The following GPRC5A variants were observed in gnomAD, a reference collection of about 807,000 sequenced individuals.
The protein encoded by GPRC5A is retinoic acid-induced protein 3.
Under a neutral mutation model 22.5 loss-of-function variants are expected in GPRC5A, and 19 were observed. That is an observed-to-expected ratio of 0.85 (90% CI 0.59 to 1.24). The LOEUF is 1.24. Ranked by LOEUF, GPRC5A falls within the 50% of genes most tolerant of loss-of-function variation. The pLI is 0.00. For missense variants in GPRC5A, 471 were observed against 451.1 expected, an observed-to-expected ratio of 1.04 and a Z score of -0.40; for synonymous variants, 192 against 184.5, an observed-to-expected ratio of 1.04 and a Z score of -0.33.
chr12:12,901,054 G>T (rs1863882168), intron 1 of GPRC5A, among the ~76,000 whole-genome samples: 1 of 152,218 alleles, frequency 6.6e-6, no homozygotes, highest in African/African-American at 2.4e-5. Flanking sequence ...GGGCATCCTT[G>T]TGTTACTGGA....
In GPRC5A at chr12:12,908,474, G is replaced by T; in HGVS notation, c.225G>T (p.Val75=). The T allele has an allele frequency of 1.2e-6, 2 of 1,614,138 alleles. No homozygotes were observed. The highest frequency in any genetic ancestry group is 1.3e-5 in the African/African-American group (1 of 75,070). ...CTCAGTTTCTCTTCCTCCTGGGTGTGTTGGGCATCTTTGGCCTCACCTTCG... is the reference window on the plus strand; with the variant it reads ...CTCAGTTTCTCTTCCTCCTGGGTGTTTTGGGCATCTTTGGCCTCACCTTCG... ...LPTQFLFLLG[V]LGIFGLTFAF... is the part of the protein sequence containing the mutation. Residue 75 remains valine (V), a synonymous_variant, in exon 2 of 4, where the codon GTG becomes GTT. Transcript: ENST00000014914.
At chr12:12,908,163 C>A (rs1863961910) in intron 1 of GPRC5A, 80 bp from the exon 2 acceptor site, 1 of 1,008,012 alleles carries the variant, frequency 9.9e-7, no homozygotes, top group Non-Finnish European at 1.5e-6. Flanking sequence ...GTTTCCTAAT[C>A]CTTTTTTAGT....
In GPRC5A at chr12:12,914,507, C is replaced by G. The variant is rs1025861100; in HGVS notation, c.*1968C>G. ...GCTAGGGACTCAAGAAATGCATATT[C>G]CCCCCCCACTTTCTTTCTCTCTTTC... On this transcript the variant is annotated 3_prime_UTR_variant, in exon 4 of 4. Coordinates refer to ENST00000014914, the MANE Select transcript of GPRC5A (RefSeq NM_003979.4). 3 of 146,042 alleles carry G rather than the reference C, an allele frequency of 2.1e-5. No homozygotes were observed. The highest frequency in any genetic ancestry group is 6.8e-5 in the Admixed American group (1 of 14,632). The allele number at this position is 146,042 out of a possible 1,614,324, so 9.0% of individuals were successfully genotyped here.
At chr12:12,898,094 G>A (rs941504660) in intron 1 of GPRC5A, among the ~76,000 whole-genome samples, 7 of 152,146 alleles carry the variant, frequency 4.6e-5, no homozygotes, top group Non-Finnish European at 7.3e-5. Flanking sequence ...ATATGCCCAC[G>A]GTGCAGAGAC....
Position 12,914,613 on chromosome 12 carries a change from TC to T in GPRC5A, c.*2075del, listed in dbSNP as rs1864043509. The T allele has an allele frequency of 6.7e-6, 1 of 148,490 alleles. No individual in the cohort carries two copies. 9.2% of individuals were successfully genotyped at this position (148,490 alleles called of 1,614,324 possible). A position where few individuals can be genotyped will look rare whatever the true frequency, so the allele number is the denominator to read the frequency against. ...CTTTCTTTCTCTCTCTCTCTCTCTC[TC>T]TCTTTCTTTCTTTCTTTTTGAGATA... On this transcript the variant is annotated 3_prime_UTR_variant, in exon 4 of 4. Coordinates refer to ENST00000014914, the MANE Select transcript of GPRC5A (RefSeq NM_003979.4).
chr12:12,898,308 A>C (rs1863844581), intron 1 of GPRC5A, among the ~76,000 whole-genome samples: 1 of 152,188 alleles, frequency 6.6e-6, no homozygotes. Context: ...CGAGGCGGGC[A>C]GATCACCTGA....
At position 12,916,758 on chromosome 12, in the gene GPRC5A, G is replaced by C. The variant is rs554440301; in HGVS notation, c.*4219G>C. 3.9e-5 allele frequency: 6 copies of C among 152,324 alleles called. No homozygotes were observed. The highest frequency in any genetic ancestry group is 3.9e-4 in the Admixed American group (6 of 15,294). The allele number at this position is 152,324 out of a possible 1,614,324, so 9.4% of individuals were successfully genotyped here. ...TAACGTGGACTAGTATTTATGTGTT[G>C]AGAACACTGGCTGTTTGTCAGGAAA... On this transcript the variant is annotated 3_prime_UTR_variant, in exon 4 of 4. Transcript: ENST00000014914.
intron 2 of GPRC5A, among the ~76,000 whole-genome samples, chr12:12,911,751 G>A (rs952962908): frequency 1.3e-5 from 2 of 152,148 alleles, no homozygotes; most frequent in African/African-American, 4.8e-5. Context: ...GCCGCCCAAA[G>A]TTCTGGGATT....
intron 1 of GPRC5A, among the ~76,000 whole-genome samples, chr12:12,902,534 G>C (rs1401296235): frequency 1.3e-5 from 2 of 151,920 alleles, no homozygotes; most frequent in Non-Finnish European, 2.9e-5. Context: ...AGGCCGAGAG[G>C]GGGAGGATCC....
At chr12:12,902,462 CT>C (rs970402909) in intron 1 of GPRC5A, among the ~76,000 whole-genome samples, 1 of 151,684 alleles carries the variant, frequency 6.6e-6, no homozygotes, top group African/African-American at 2.4e-5. Flanking sequence ...GAGTTTTTAT[CT>C]TTTAGAGAGA....
At chr12:12,899,198 C>A (rs1016535646) in intron 1 of GPRC5A, among the ~76,000 whole-genome samples, 5 of 152,044 alleles carry the variant, frequency 3.3e-5, no homozygotes, top group African/African-American at 9.7e-5. Context: ...TAGCACCCGG[C>A]TAATTTTTAA....
In GPRC5A at chr12:12,913,567, C is replaced by T. The variant is rs1592353418; in HGVS notation, c.*1028C>T. 2 of 152,266 alleles carry T rather than the reference C, an allele frequency of 1.3e-5. No individual in the cohort carries two copies. The highest frequency in any genetic ancestry group is 3.9e-4 in the East Asian group (2 of 5,182). The allele number at this position is 152,266 out of a possible 1,614,324, so 9.4% of individuals were successfully genotyped here. A position where few individuals can be genotyped will look rare whatever the true frequency, so the allele number is the denominator to read the frequency against. Reference sequence around the variant, plus strand: ...GCATTCTGTAAGTGGGCATGGTCTCCTAATGGAGGAGTGTTCATTGTATAA... The same window carrying T: ...GCATTCTGTAAGTGGGCATGGTCTCTTAATGGAGGAGTGTTCATTGTATAA... On this transcript the variant is annotated 3_prime_UTR_variant, in exon 4 of 4. Coordinates refer to ENST00000014914, the MANE Select transcript of GPRC5A (RefSeq NM_003979.4).
Position 12,909,082 on chromosome 12 carries a change from CTGT to C in GPRC5A, c.836_838del (p.Val279del). On this transcript the variant is annotated inframe_deletion, in exon 2 of 4. Transcript: ENST00000014914. ...AAGCAACGAAACCCCATGGATTATC[CTGT>C]TGAGGATGCTTTCTGTAAACCTCAA... is the stretch of plus-strand genomic sequence containing the variant. The C allele has an allele frequency of 6.2e-7, 1 of 1,605,460 alleles. No individual in the cohort carries two copies. The highest frequency in any genetic ancestry group is 2.2e-5 in the East Asian group (1 of 44,874).
chr12:12,904,724 G>T (rs1400126480), intron 1 of GPRC5A, among the ~76,000 whole-genome samples: 1 of 151,856 alleles, frequency 6.6e-6, no homozygotes, highest in African/African-American at 2.4e-5. Context: ...ACATAATATC[G>T]TGATAATATA....
intron 1 of GPRC5A, among the ~76,000 whole-genome samples, chr12:12,896,258 C>T (rs1436236640): frequency 1.3e-5 from 2 of 152,024 alleles, no homozygotes; most frequent in East Asian, 1.9e-4. Flanking sequence ...GGATGAACAC[C>T]GTGGTTATAC....
At position 12,908,717 on chromosome 12, in the gene GPRC5A, C is replaced by G; in HGVS notation, c.468C>G (p.Thr156=). 6.2e-7 allele frequency: 1 copy of G among 1,614,086 alleles called. No homozygotes were observed. Among genetic ancestry groups the G allele is most frequent in the East Asian group, 2.2e-5 (1 of 44,878 alleles). Residue 156 remains threonine, a synonymous_variant, in exon 2 of 4, where the codon ACC becomes ACG. Coordinates refer to ENST00000014914, the MANE Select transcript of GPRC5A (RefSeq NM_003979.4). ...TCGCTATTGAATATATTGTCCTGACCATGAATAGGACCAACGTCAATGTCT... is the reference window on the plus strand; with the variant it reads ...TCGCTATTGAATATATTGTCCTGACGATGAATAGGACCAACGTCAATGTCT... The part of the protein sequence containing the change: ...DVIAIEYIVL[T]MNRTNVNVFS...
intron 1 of GPRC5A, chr12:12,891,904 A>T (rs1863763110): frequency 6.6e-6 from 1 of 150,796 alleles, no homozygotes; most frequent in Admixed American, 6.6e-5. Flanking sequence ...GAGCAAAGAG[A>T]TAATCAGGGT....
intron 1 of GPRC5A, among the ~76,000 whole-genome samples, chr12:12,900,760 C>A (rs1863874880): frequency 6.6e-6 from 1 of 151,782 alleles, no homozygotes; most frequent in Non-Finnish European, 1.5e-5. Flanking sequence ...TGTGGTGGCA[C>A]ATGCCTGTAA....
intron 2 of GPRC5A, chr12:12,909,481 A>C (rs932057631): frequency 7.7e-6 from 2 of 259,478 alleles, no homozygotes; most frequent in Non-Finnish European, 1.5e-5. Context: ...GTTTCTGTGC[A>C]TCAAAATAAG....
Sources: allele counts gnomAD v4.1 joint callset (sites outside exome capture counted in the v4.1 genomes callset), GRCh38; gene constraint gnomAD v4.1.1; transcripts MANE v1.5; gene names NCBI Gene and HGNC (gene_info 2026-07-23, HGNC 2026-07-21).